The following IL1RAPL1 variants were observed in gnomAD, a reference collection of about 807,000 sequenced individuals.
IL1RAPL1 encodes interleukin 1 receptor accessory protein like 1.
A neutral mutation model predicts 48.4 loss-of-function variants in IL1RAPL1; 3 were observed. The observed-to-expected ratio is 0.06, with a 90% confidence interval of 0.03 to 0.16. The LOEUF (loss-of-function observed/expected upper bound fraction) is 0.16, where lower values mean the gene tolerates loss of function less well. IL1RAPL1 is among the 10% of genes least tolerant of loss of function. The pLI is 1.00. For missense variants in IL1RAPL1, 349 were observed against 530.6 expected, an observed-to-expected ratio of 0.66 and a Z score of 3.36; for synonymous variants, 185 against 187.7, an observed-to-expected ratio of 0.99 and a Z score of 0.12.
chrX:29,508,526 C>T (rs942250542), intron 5 of IL1RAPL1, among the ~76,000 whole-genome samples: 1 of 111,574 alleles, frequency 9.0e-6, no homozygotes, highest in Non-Finnish European at 1.9e-5. Flanking sequence ...TGGTTCCAAG[C>T]CTCCTAATAC....
At chrX:28,992,233 G>C (rs1335352130) in intron 2 of IL1RAPL1, among the ~76,000 whole-genome samples, 2 of 111,474 alleles carry the variant, frequency 1.8e-5, no homozygotes, top group Non-Finnish European at 3.8e-5. Context: ...GCTCACACCT[G>C]TAATCCTAGC....
chrX:29,507,952 C>T (rs778977330), intron 5 of IL1RAPL1, among the ~76,000 whole-genome samples: 8 of 111,664 alleles, frequency 7.2e-5, no homozygotes, highest in Non-Finnish European at 1.5e-4. Flanking sequence ...CACAAAATCA[C>T]TGTAAACTCT....
At chrX:29,132,317 A>G (rs1210502537) in intron 2 of IL1RAPL1, among the ~76,000 whole-genome samples, 1 of 112,107 alleles carries the variant, frequency 8.9e-6, no homozygotes, top group Non-Finnish European at 1.9e-5. Context: ...GTGGTCTCAT[A>G]AGATTATAAC....
intron 5 of IL1RAPL1, among the ~76,000 whole-genome samples, chrX:29,437,889 C>T (rs952977726): frequency 9.0e-6 from 1 of 110,587 alleles, no homozygotes; most frequent in Non-Finnish European, 1.9e-5. Flanking sequence ...ATACTAGCTT[C>T]ATAAAATTAA....
At chrX:29,484,791 C>T (rs1373579853) in intron 5 of IL1RAPL1, among the ~76,000 whole-genome samples, 2 of 111,334 alleles carry the variant, frequency 1.8e-5, no homozygotes, top group Admixed American at 9.5e-5. Context: ...GAAGACAGAA[C>T]GCAAAGCAAA....
intron 5 of IL1RAPL1, among the ~76,000 whole-genome samples, chrX:29,563,447 A>G (rs1922305111): frequency 8.9e-6 from 1 of 112,129 alleles, no homozygotes; most frequent in South Asian, 3.7e-4. Context: ...GTAATCTACA[A>G]GTCAGATTTT....
intron 2 of IL1RAPL1, among the ~76,000 whole-genome samples, chrX:29,276,442 A>G (rs1363678590): frequency 1.8e-5 from 2 of 112,247 alleles, no homozygotes; most frequent in Admixed American, 9.5e-5. Context: ...TCACTTTGCA[A>G]TATTATAAAG....
In IL1RAPL1 at chrX:29,956,571, A is replaced by G. The variant is rs1217862009; in HGVS notation, c.*751A>G. ...TGCTAATCACTTCACAGTGACCACT[A>G]CAGAGTACTAAGAAGAGAAGATCAA... On this transcript the variant is annotated 3_prime_UTR_variant, in exon 11 of 11. Coordinates refer to ENST00000378993, the MANE Select transcript of IL1RAPL1 (RefSeq NM_014271.4). 9.4e-6 allele frequency: 1 copy of G among 106,808 alleles called. No homozygotes were observed. The highest frequency in any genetic ancestry group is 1.9e-5 in the Non-Finnish European group (1 of 52,086). 8.8% of individuals were successfully genotyped at this position (106,808 alleles called of 1,213,427 possible). A position where few individuals can be genotyped will look rare whatever the true frequency, so the allele number is the denominator to read the frequency against.
At chrX:29,423,879 G>A (rs1934320515) in intron 5 of IL1RAPL1, among the ~76,000 whole-genome samples, 1 of 112,102 alleles carries the variant, frequency 8.9e-6, no homozygotes, top group Non-Finnish European at 1.9e-5. Context: ...GATAGACAGT[G>A]TAGATGTACT....
intron 1 of IL1RAPL1, among the ~76,000 whole-genome samples, chrX:28,655,316 T>A (rs1485463578): frequency 1.8e-5 from 2 of 110,620 alleles, no homozygotes; most frequent in South Asian, 3.8e-4. Context: ...AAAAAAAAAA[T>A]TGATCTAGAA....
chrX:28,873,272 A>G (rs1234051283), intron 2 of IL1RAPL1, among the ~76,000 whole-genome samples: 1 of 106,217 alleles, frequency 9.4e-6, no homozygotes, highest in East Asian at 3.0e-4. Context: ...GACCATGCCT[A>G]GCTGATATTT....
chrX:28,992,710 T>C (rs1336227533), intron 2 of IL1RAPL1, among the ~76,000 whole-genome samples: 1 of 111,451 alleles, frequency 9.0e-6, no homozygotes, highest in Non-Finnish European at 1.9e-5. Flanking sequence ...TAAGTCCCAC[T>C]TCTCAGAGTA....
chrX:28,772,306 A>G (rs1936318570), intron 1 of IL1RAPL1, among the ~76,000 whole-genome samples: 1 of 111,685 alleles, frequency 9.0e-6, no homozygotes, highest in Admixed American at 9.5e-5. Context: ...GATGTTGATG[A>G]GAAACTTTAA....
intron 6 of IL1RAPL1, among the ~76,000 whole-genome samples, chrX:29,753,945 A>G: frequency 9.0e-6 from 1 of 111,624 alleles, no homozygotes; most frequent in Admixed American, 9.5e-5. Flanking sequence ...ACTCTTGACA[A>G]CTGTCCTCTT....
chrX:29,279,897 G>A (rs1932174417), intron 2 of IL1RAPL1, among the ~76,000 whole-genome samples: 1 of 111,393 alleles, frequency 9.0e-6, no homozygotes, highest in Non-Finnish European at 1.9e-5. Context: ...AAACTTTCTA[G>A]ACTAAATCTT....
chrX:29,531,994 G>A (rs956298021), intron 5 of IL1RAPL1, among the ~76,000 whole-genome samples: 45 of 112,137 alleles, frequency 4.0e-4, no homozygotes, highest in African/African-American at 1.4e-3. Flanking sequence ...ACATTCTGAT[G>A]TTCTTGGAAT....
At chrX:29,658,334 C>T (rs1925745594) in intron 5 of IL1RAPL1, among the ~76,000 whole-genome samples, 1 of 111,346 alleles carries the variant, frequency 9.0e-6, no homozygotes, top group South Asian at 3.8e-4. Context: ...CGAATAGAGA[C>T]CCTGAACCTT....
rs572189989 is a variant in IL1RAPL1 at position 29,502,740 on chromosome X, G to T, written c.703+103432G>T. On this transcript the variant is annotated intron_variant, in intron 5 of 10. Transcript: ENST00000378993. ...TGCTTTCTTAATGATTTTTGCATCT[G>T]TTTTCATCAGCGATATTGGCCTATA... is the stretch of plus-strand genomic sequence containing the variant. Among the ~76,000 whole-genome samples, 37 of 111,699 alleles carry T rather than the reference G, an allele frequency of 3.3e-4. No homozygotes were observed. The South Asian group carries it at 7.4e-3, about 22-fold the overall frequency.
chrX:29,345,558 G>A (rs1164286616), intron 3 of IL1RAPL1, among the ~76,000 whole-genome samples: 1 of 111,535 alleles, frequency 9.0e-6, no homozygotes, highest in Non-Finnish European at 1.9e-5. Flanking sequence ...ATATCTTGCA[G>A]ATATAGTATC....
Sources: allele counts gnomAD v4.1 joint callset (sites outside exome capture counted in the v4.1 genomes callset), GRCh38; gene constraint gnomAD v4.1.1; transcripts MANE v1.5; gene names NCBI Gene and HGNC (gene_info 2026-07-23, HGNC 2026-07-21).